Variants in ABCA1 observed in about 807,000 individuals in gnomAD.
The protein encoded by ABCA1 is phospholipid-transporting ATPase ABCA1.
In ABCA1, 133 loss-of-function variants were observed where a neutral mutation model predicts 262.5. That is an observed-to-expected ratio of 0.51 (90% CI 0.44 to 0.59). The LOEUF is 0.59. ABCA1 is among the 20% of genes least tolerant of loss of function. ABCA1 has a pLI of 0.00. For missense variants in ABCA1, 2,452 were observed against 2,777.5 expected (o/e 0.88, Z 2.63); for synonymous variants, 1,022 against 1,043.5 (o/e 0.98, Z 0.40).
At chr9:104,907,970 G>GTTATTGTGGCA (rs1841272743) in intron 1 of ABCA1, among the ~76,000 whole-genome samples, 1 of 152,150 alleles carries the variant, frequency 6.6e-6, no homozygotes, top group African/African-American at 2.4e-5. Flanking sequence ...ATTTTTTAAG[G>GTTATTGTGGCA]AAATTTTAAC....
At chr9:104,789,003 A>G (rs1564078311) in intron 44 of ABCA1, among the ~76,000 whole-genome samples, 1 of 152,136 alleles carries the variant, frequency 6.6e-6, no homozygotes, top group East Asian at 1.9e-4. Flanking sequence ...TAGAGACACA[A>G]TTTATGTGGT....
At chr9:104,804,114 A>T (rs2118905306) in intron 32 of ABCA1, among the ~76,000 whole-genome samples, 1 of 152,270 alleles carries the variant, frequency 6.6e-6, no homozygotes, top group East Asian at 1.9e-4. Flanking sequence ...AGCATTCAAC[A>T]CTAGGCTGCC....
At chr9:104,857,545 T>A (rs1835953194) in intron 7 of ABCA1, among the ~76,000 whole-genome samples, 1 of 152,150 alleles carries the variant, frequency 6.6e-6, no homozygotes, top group Admixed American at 6.5e-5. Context: ...ACAAAAACTT[T>A]TTGATGGTCA....
At chr9:104,826,823 A>G in intron 16 of ABCA1, 125 bp downstream of exon 16, 1 of 890,498 alleles carries the variant, frequency 1.1e-6, no homozygotes, top group Non-Finnish European at 1.8e-6. Context: ...TAGAATCTAG[A>G]GCTAAGGTTC....
intron 27 of ABCA1, 128 bp from the exon 28 acceptor site, chr9:104,812,850 T>C (rs932780290): frequency 1.2e-5 from 14 of 1,207,890 alleles, no homozygotes; most frequent in Non-Finnish European, 1.7e-5. Context: ...TTCTCAGAAG[T>C]AAAGGGCTTT....
At chr9:104,824,398 G>A (rs1035302278) in intron 18 of ABCA1, 67 bp downstream of exon 18, 22 of 1,607,672 alleles carry the variant, frequency 1.4e-5, no homozygotes, top group Non-Finnish European at 1.9e-5. Flanking sequence ...GACATCGCTT[G>A]CCCCCAACAG....
In ABCA1 at chr9:104,784,458, G is replaced by A. The variant is rs1788629762; in HGVS notation, c.6646-3C>T. 3.7e-6 allele frequency: 6 copies of A among 1,614,036 alleles called. No individual in the cohort carries two copies. Among genetic ancestry groups the A allele is most frequent in the Non-Finnish European group, 5.1e-6 (6 of 1,179,980 alleles). ...TCCTTGGCAAAGTTCACAAATACCTGTTAAAAGATTAAGATGGACCTTTAT... is the reference window on the plus strand; with the variant it reads ...TCCTTGGCAAAGTTCACAAATACCTATTAAAAGATTAAGATGGACCTTTAT... On this transcript the variant is annotated splice_polypyrimidine_tract_variant and splice_region_variant and intron_variant, in intron 49 of 49. Coordinates refer to ENST00000374736, the MANE Select transcript of ABCA1 (RefSeq NM_005502.4).
Position 104,783,093 on chromosome 9 carries a change from G to A in ABCA1, c.*1222C>T, listed in dbSNP as rs1037635917. 7.2e-5 allele frequency: 11 copies of A among 152,548 alleles called. No homozygotes were observed. The highest frequency in any genetic ancestry group is 1.3e-4 in the Admixed American group (2 of 15,294). The allele number at this position is 152,548 out of a possible 1,614,324, so 9.4% of individuals were successfully genotyped here. A position where few individuals can be genotyped will look rare whatever the true frequency, so the allele number is the denominator to read the frequency against. On this transcript the variant is annotated 3_prime_UTR_variant, in exon 50 of 50. Transcript: ENST00000374736. ...GATCTGAAAGAAACTCAAATATAATGTCATGAGATCCTGACCATCACATTG... is the reference window on the plus strand; with the variant it reads ...GATCTGAAAGAAACTCAAATATAATATCATGAGATCCTGACCATCACATTG...
intron 36 of ABCA1, among the ~76,000 whole-genome samples, chr9:104,799,196 C>A (rs967233576): frequency 1.3e-5 from 2 of 152,124 alleles, no homozygotes; most frequent in African/African-American, 4.8e-5. Context: ...GAAACAGGAA[C>A]TGCCATGCTC....
At position 104,856,175 on chromosome 9, in the gene ABCA1, A is replaced by G. The variant is rs144999512; in HGVS notation, c.720+2347T>C. 7.1e-4 allele frequency: 1,029 copies of G among 1,454,388 alleles called. 6 individuals carry two copies. The African/African-American group carries it at 0.013, about 19-fold the overall frequency. The allele number at this position is 1,454,388 out of a possible 1,614,324, so 90.1% of individuals were successfully genotyped here. The stretch of plus-strand genomic sequence containing the variant: ...ATCAAGTATCAGTCCCAGCATTCCA[A>G]TTAAGGCCCTGCTTAATTCAATAAG... On this transcript the variant is annotated intron_variant, in intron 7 of 49. Transcript: ENST00000374736.
At chr9:104,788,891 G>A (rs1829163176) in intron 44 of ABCA1, among the ~76,000 whole-genome samples, 1 of 152,034 alleles carries the variant, frequency 6.6e-6, no homozygotes, top group African/African-American at 2.4e-5. Flanking sequence ...ACTACCCCAG[G>A]GCTTTAACGC....
Position 104,884,795 on chromosome 9 carries a change from C to T in ABCA1, c.161-227G>A, listed in dbSNP as rs375739241. 6.0e-4 allele frequency among the ~76,000 whole-genome samples: 91 copies of T among 152,246 alleles called. 1 individual carries two copies. The highest frequency in any genetic ancestry group is 2.2e-3 in the African/African-American group (90 of 41,550). On this transcript the variant is annotated intron_variant, in intron 3 of 49. Transcript: ENST00000374736. ...TGTAGAATGGGGTTCATGATACCAG[C>T]GTTGGAGAAGTGATGAGAGGGGTCC...
Position 104,855,891 on chromosome 9 carries a change from A to G in ABCA1, c.720+2631T>C, listed in dbSNP as rs568381864. The G allele has an allele frequency of 3.7e-6, 6 of 1,612,914 alleles. No individual in the cohort carries two copies. The African/African-American group carries it at 8.0e-5, about 21-fold the overall frequency. ...CAATACCCTTGGCTGGAAACAGGGA[A>G]ACACTCACGCACACACAAAAGGAGA... On this transcript the variant is annotated intron_variant, in intron 7 of 49. Coordinates refer to ENST00000374736, the MANE Select transcript of ABCA1 (RefSeq NM_005502.4).
intron 8 of ABCA1, among the ~76,000 whole-genome samples, chr9:104,841,334 G>A (rs1454504522): frequency 2.0e-5 from 3 of 152,090 alleles, no homozygotes; most frequent in Non-Finnish European, 4.4e-5. Flanking sequence ...CAGCTACTGG[G>A]GAGGCTGAGG....
intron 5 of ABCA1, among the ~76,000 whole-genome samples, chr9:104,864,549 T>A (rs1295448848): frequency 6.6e-6 from 1 of 152,154 alleles, no homozygotes; most frequent in Non-Finnish European, 1.5e-5. Context: ...TTTCATGTAG[T>A]TGTGCCTCCA....
chr9:104,786,735 A>C, intron 47 of ABCA1, 138 bp downstream of exon 47: 1 of 817,878 alleles, frequency 1.2e-6, no homozygotes, highest in Non-Finnish European at 2.1e-6. Context: ...TTTTGTAAGA[A>C]TATGCATATA....
At chr9:104,847,661 T>C (rs1016793391) in intron 7 of ABCA1, among the ~76,000 whole-genome samples, 2 of 152,230 alleles carry the variant, frequency 1.3e-5, no homozygotes, top group African/African-American at 4.8e-5. Context: ...TCACACAGCA[T>C]ATCAGCCACA....
intron 1 of ABCA1, 30 bp from the exon 2 acceptor site, chr9:104,903,801 C>A (rs1303137609): frequency 4.3e-6 from 4 of 920,106 alleles, no homozygotes; most frequent in Non-Finnish European, 6.9e-6. Context: ...GGGAAACAGC[C>A]ATCAGTTATT....
chr9:104,798,336 G>A, intron 37 of ABCA1, 85 bp downstream of exon 37: 2 of 1,489,020 alleles, frequency 1.3e-6, no homozygotes. Context: ...ATTTCCTGAT[G>A]ATAGCCAGAG....
Sources: allele counts gnomAD v4.1 joint callset (sites outside exome capture counted in the v4.1 genomes callset), GRCh38; gene constraint gnomAD v4.1.1; transcripts MANE v1.5; gene names NCBI Gene and HGNC (gene_info 2026-07-23, HGNC 2026-07-21).